ETV6: variants seen among roughly 807,000 people sequenced by gnomAD.
ETV6 encodes the protein ETS variant transcription factor 6.
In ETV6, 16 loss-of-function variants were observed where a neutral mutation model predicts 51.1. That is an observed-to-expected ratio of 0.31 (90% CI 0.21 to 0.48). The LOEUF is 0.48. Among genes scored for constraint, ETV6 ranks in the 20% least tolerant of loss-of-function variants. The probability of loss-of-function intolerance (pLI) is 0.99; values close to 1 mark genes in which losing one functional copy is unlikely to be tolerated. For synonymous variants in ETV6, 240 were observed against 224.1 expected, an observed-to-expected ratio of 1.07 and a Z score of -0.64; for missense variants, 458 against 594.8, an observed-to-expected ratio of 0.77 and a Z score of 2.39.
chr12:11,723,667 T>G (rs1424029732), intron 1 of ETV6, among the ~76,000 whole-genome samples: 1 of 152,160 alleles, frequency 6.6e-6, no homozygotes, highest in African/African-American at 2.4e-5. Flanking sequence ...GGTTTATCTA[T>G]CAGGGTTCCC....
intron 2 of ETV6, among the ~76,000 whole-genome samples, chr12:11,815,812 G>T (rs910378964): frequency 1.1e-4 from 17 of 152,242 alleles, no homozygotes; most frequent in Middle Eastern, 6.8e-3. Flanking sequence ...CAGAGGGACA[G>T]TATGCTGGGT....
At chr12:11,655,891 G>A (rs1863990500) in intron 1 of ETV6, among the ~76,000 whole-genome samples, 1 of 152,220 alleles carries the variant, frequency 6.6e-6, no homozygotes, top group Non-Finnish European at 1.5e-5. Context: ...TAGAATGCTT[G>A]CATTTCTGAA....
At chr12:11,862,806 A>G (rs1946735360) in intron 4 of ETV6, among the ~76,000 whole-genome samples, 1 of 152,210 alleles carries the variant, frequency 6.6e-6, no homozygotes, top group Non-Finnish European at 1.5e-5. Context: ...TGGGGGAGAG[A>G]TAGTCAACCC....
In ETV6 at chr12:11,894,630, A is replaced by G. The variant is rs1442103157; in HGVS notation, c.*3584A>G. ...GAATGTCGCTTTAGCTGAAATTCAA[A>G]TGGCTGTGACAATTTACCGAAATGA... is the stretch of plus-strand genomic sequence containing the variant. On this transcript the variant is annotated 3_prime_UTR_variant, in exon 8 of 8. Transcript: ENST00000396373. 4.3e-6 allele frequency: 1 copy of G among 233,182 alleles called. No individual in the cohort carries two copies. Among genetic ancestry groups the G allele is most frequent in the African/African-American group, 2.2e-5 (1 of 45,366 alleles). The allele number at this position is 233,182 out of a possible 1,614,324, so 14.4% of individuals were successfully genotyped here. A position where few individuals can be genotyped will look rare whatever the true frequency, so the allele number is the denominator to read the frequency against.
At chr12:11,831,304 C>A (rs1407441432) in intron 2 of ETV6, among the ~76,000 whole-genome samples, 1 of 152,194 alleles carries the variant, frequency 6.6e-6, no homozygotes, top group Non-Finnish European at 1.5e-5. Context: ...CGGCTCACTG[C>A]AAACTCCACC....
chr12:11,652,098 C>A (rs1404518113), intron 1 of ETV6, among the ~76,000 whole-genome samples: 1 of 152,190 alleles, frequency 6.6e-6, no homozygotes, highest in Admixed American at 6.5e-5. Context: ...TTATTGCTTA[C>A]AACTCAGTTC....
intron 2 of ETV6, among the ~76,000 whole-genome samples, chr12:11,756,113 C>T (rs983239795): frequency 5.3e-5 from 8 of 152,134 alleles, no homozygotes; most frequent in Non-Finnish European, 7.4e-5. Flanking sequence ...GATGCCTTTT[C>T]CTTTTATTTG....
Position 11,705,137 on chromosome 12 carries a change from A to G in ETV6, c.34-47313A>G, listed in dbSNP as rs139855982. Among the ~76,000 whole-genome samples the G allele has an allele frequency of 2.0e-3, 302 of 152,348 alleles. 2 individuals carry two copies. The highest frequency in any genetic ancestry group is 7.0e-3 in the South Asian group (34 of 4,830). ...GTACAACGCAAAGACTAAAGTTAAC[A>G]AGGCCTTTTGGTTCTGTTGCTGTTG... is the stretch of plus-strand genomic sequence containing the variant. On this transcript the variant is annotated intron_variant, in intron 1 of 7. Coordinates refer to ENST00000396373, the MANE Select transcript of ETV6 (RefSeq NM_001987.5).
At chr12:11,835,860 C>A (rs540126440) in intron 2 of ETV6, among the ~76,000 whole-genome samples, 1 of 152,276 alleles carries the variant, frequency 6.6e-6, no homozygotes, top group African/African-American at 2.4e-5. Context: ...ATTCTGGAAC[C>A]AGATTGCCTG....
chr12:11,862,144 C>A (rs1296202638), intron 4 of ETV6, among the ~76,000 whole-genome samples: 2 of 152,152 alleles, frequency 1.3e-5, no homozygotes, highest in Admixed American at 1.3e-4. Context: ...TTTTGTTTAG[C>A]CCCTTTCATC....
chr12:11,749,585 A>T (rs886186220), intron 1 of ETV6, among the ~76,000 whole-genome samples: 10 of 152,172 alleles, frequency 6.6e-5, no homozygotes, highest in African/African-American at 2.4e-4. Context: ...AATTTTTCCA[A>T]TTGCTGATAG....
chr12:11,765,298 A>G (rs1007368309), intron 2 of ETV6, among the ~76,000 whole-genome samples: 1 of 151,960 alleles, frequency 6.6e-6, no homozygotes. Context: ...CCATCCCCCT[A>G]CCATTCCAAT....
At chr12:11,735,086 C>CTTTTTTTTTTT (rs58797937) in intron 1 of ETV6, among the ~76,000 whole-genome samples, 1 of 76,230 alleles carries the variant, frequency 1.3e-5, no homozygotes, top group Non-Finnish European at 2.2e-5. Flanking sequence ...GCAAGGTGGC[C>CTTTTTTTTTTT]TTTTTTTTTT....
rs766007746 is a variant in ETV6 at position 11,869,142 on chromosome 12, C to G, written c.464-282C>G. ...TCCCAGCTACTCGGGAGGCTGAGGC[C>G]GGAGAATGGCATGAACCCGGGAGGC... On this transcript the variant is annotated intron_variant, in intron 4 of 7. Transcript: ENST00000396373. This position sits in a 1 kb window ranked among gnomAD's most constrained non-coding sequence, Gnocchi z 5.0. 6.6e-6 allele frequency among the ~76,000 whole-genome samples: 1 copy of G among 151,296 alleles called. No individual in the cohort carries two copies. The highest frequency in any genetic ancestry group is 1.5e-5 in the Non-Finnish European group (1 of 67,850).
intron 3 of ETV6, among the ~76,000 whole-genome samples, chr12:11,849,991 CTG>C (rs1316573114): frequency 1.3e-5 from 2 of 152,206 alleles, no homozygotes; most frequent in Admixed American, 6.5e-5. Context: ...GGAAACATGT[CTG>C]TGCATGGACT....
chr12:11,734,333 G>A (rs994496299), intron 1 of ETV6, among the ~76,000 whole-genome samples: 8 of 151,994 alleles, frequency 5.3e-5, no homozygotes, highest in African/African-American at 1.5e-4. Flanking sequence ...TGAACTGGGC[G>A]CAGTGGTTCA....
intron 3 of ETV6, among the ~76,000 whole-genome samples, chr12:11,850,660 G>A (rs1048039362): frequency 5.9e-5 from 9 of 152,170 alleles, no homozygotes; most frequent in African/African-American, 1.7e-4. Flanking sequence ...TTATTGAATC[G>A]TTACAACGAT....
chr12:11,737,801 A>G (rs928659953), intron 1 of ETV6, among the ~76,000 whole-genome samples: 3 of 152,204 alleles, frequency 2.0e-5, no homozygotes, highest in Non-Finnish European at 2.9e-5. Context: ...GGGCCTCATC[A>G]GTCAGTCAAC....
intron 2 of ETV6, among the ~76,000 whole-genome samples, chr12:11,789,829 T>C (rs914383224): frequency 1.3e-5 from 2 of 152,194 alleles, no homozygotes; most frequent in African/African-American, 4.8e-5. Flanking sequence ...CCTTTGTTTG[T>C]TGACTTATTG....
Sources: gnomAD v4.1 joint callset for allele counts (sites outside exome capture counted in the v4.1 genomes callset) on GRCh38, gnomAD v4.1.1 for gene constraint, Gnocchi (gnomAD v3.1) non-coding constraint, MANE v1.5 for transcripts, NCBI Gene and HGNC (gene_info 2026-07-23, HGNC 2026-07-21) for gene names.